Variants in MTA3 observed in about 807,000 individuals in gnomAD.
MTA3 encodes the protein metastasis-associated protein MTA3.
A neutral mutation model predicts 83.5 loss-of-function variants in MTA3; 34 were observed. The observed-to-expected ratio is 0.41, with a 90% CI of 0.31 to 0.54. The LOEUF (loss-of-function observed/expected upper bound fraction) is 0.54. Ranked by LOEUF, MTA3 falls within the 20% of genes least tolerant of loss-of-function variation. MTA3 has a pLI of 0.33. For synonymous variants in MTA3, 303 were observed against 252.7 expected, an observed-to-expected ratio of 1.20 and a Z score of -1.89; for missense variants, 761 against 726.4, an observed-to-expected ratio of 1.05 and a Z score of -0.55.
chr2:42,503,314 ACG>A (rs1377189573), intron 2 of MTA3, among the ~76,000 whole-genome samples: 1 of 152,184 alleles, frequency 6.6e-6, no homozygotes, highest in Non-Finnish European at 1.5e-5. Flanking sequence ...AGCACTGAGG[ACG>A]ACCAGAGGTC....
At chr2:42,645,921 A>G (rs759531161) in intron 6 of MTA3, among the ~76,000 whole-genome samples, 1 of 152,228 alleles carries the variant, frequency 6.6e-6, no homozygotes, top group Non-Finnish European at 1.5e-5. Context: ...TTCTATTGGA[A>G]GAAGATGCCA....
chr2:42,615,424 C>T (rs1030217872), intron 4 of MTA3, among the ~76,000 whole-genome samples: 4 of 151,922 alleles, frequency 2.6e-5, no homozygotes, highest in Non-Finnish European at 4.4e-5. Context: ...GCTGCGATCT[C>T]GATTCACTGC....
intron 2 of MTA3, among the ~76,000 whole-genome samples, chr2:42,506,877 G>C (rs1401075912): frequency 6.6e-6 from 1 of 151,946 alleles, no homozygotes; most frequent in Admixed American, 6.6e-5. Context: ...AAAGTGCTGG[G>C]ATTACAGGTG....
At chr2:42,629,078 AAT>A (rs1415942561) in intron 4 of MTA3, among the ~76,000 whole-genome samples, 1 of 151,552 alleles carries the variant, frequency 6.6e-6, no homozygotes. Context: ...ATGATAGAGC[AAT>A]ATATATATAT....
chr2:42,534,595 A>T (rs894531568), intron 2 of MTA3, among the ~76,000 whole-genome samples: 1 of 132,356 alleles, frequency 7.6e-6, no homozygotes, highest in Non-Finnish European at 1.7e-5. Flanking sequence ...AACTCTAAAA[A>T]AAAGAAGAAA....
chr2:42,590,493 CA>C lies in MTA3; in HGVS notation c.190+11294del, dbSNP rs201032415. The stretch of plus-strand genomic sequence containing the variant: ...TGCAGATGCCCAGTCATAAACTTTA[CA>C]GCCATTAGAATTGTGAGCCAAATAA... On this transcript the variant is annotated intron_variant, in intron 3 of 16. Coordinates refer to ENST00000405094, the MANE Select transcript of MTA3 (RefSeq NM_001330442.2). 4.7e-4 allele frequency among the ~76,000 whole-genome samples: 71 copies of C among 152,256 alleles called. No individual in the cohort carries two copies. The East Asian group carries it at 0.013, about 28-fold the overall frequency.
intron 4 of MTA3, among the ~76,000 whole-genome samples, chr2:42,630,522 A>G (rs1330604440): frequency 6.6e-6 from 1 of 152,144 alleles, no homozygotes; most frequent in Non-Finnish European, 1.5e-5. Flanking sequence ...TTGTGGAGTA[A>G]ATTATGATGC....
chr2:42,620,214 G>A (rs1287625936), intron 4 of MTA3, among the ~76,000 whole-genome samples: 4 of 150,236 alleles, frequency 2.7e-5, no homozygotes, highest in East Asian at 2.0e-4. Flanking sequence ...TGCCACCCAC[G>A]TTCAAGTGAT....
intron 2 of MTA3, among the ~76,000 whole-genome samples, chr2:42,554,105 A>C (rs1677266029): frequency 1.3e-5 from 2 of 151,948 alleles, no homozygotes; most frequent in Non-Finnish European, 2.9e-5. Flanking sequence ...GCTGTGGTGC[A>C]TGCCTGTAAT....
intron 2 of MTA3, among the ~76,000 whole-genome samples, chr2:42,551,448 C>A (rs1191793623): frequency 6.6e-6 from 1 of 152,080 alleles, no homozygotes; most frequent in Non-Finnish European, 1.5e-5. Flanking sequence ...GCCTCAGCCT[C>A]CCAAAGTGCT....
chr2:42,592,790 G>A (rs935771991), intron 3 of MTA3, among the ~76,000 whole-genome samples: 1 of 152,046 alleles, frequency 6.6e-6, no homozygotes. Flanking sequence ...AATACCTTCC[G>A]AAGGACCTGT....
At chr2:42,637,853 A>T (rs1174347620) in intron 4 of MTA3, among the ~76,000 whole-genome samples, 1 of 152,134 alleles carries the variant, frequency 6.6e-6, no homozygotes, top group African/African-American at 2.4e-5. Flanking sequence ...AAAATCTTTT[A>T]TTTCAGACCA....
At chr2:42,590,302 C>T (rs1366072765) in intron 3 of MTA3, among the ~76,000 whole-genome samples, 1 of 152,022 alleles carries the variant, frequency 6.6e-6, no homozygotes, top group Non-Finnish European at 1.5e-5. Flanking sequence ...TAATGCCCTC[C>T]CTGGAGTAGA....
At chr2:42,682,812 T>A in intron 9 of MTA3, 1 of 457,100 alleles carries the variant, frequency 2.2e-6, no homozygotes, top group Non-Finnish European at 3.9e-6. Context: ...GTGGCTCACG[T>A]CTGTAATTCC....
At chr2:42,680,585 C>T (rs533789610) in intron 8 of MTA3, among the ~76,000 whole-genome samples, 5 of 152,182 alleles carry the variant, frequency 3.3e-5, no homozygotes, top group Non-Finnish European at 7.3e-5. Flanking sequence ...CACTTTGCAG[C>T]ACCCATGTGC....
intron 16 of MTA3, among the ~76,000 whole-genome samples, chr2:42,730,634 G>A (rs565783236): frequency 2.0e-4 from 30 of 152,134 alleles, no homozygotes; most frequent in East Asian, 1.7e-3. Flanking sequence ...AGGTTTTTTC[G>A]TCAGTGTTCA....
intron 8 of MTA3, among the ~76,000 whole-genome samples, chr2:42,674,601 T>C (rs866044742): frequency 0.53 from 62,632 of 117,896 alleles, 14,696 homozygotes; most frequent in South Asian, 0.63. Flanking sequence ...TTCTTCTTTT[T>C]TTTTTTTTTT....
intron 16 of MTA3, among the ~76,000 whole-genome samples, chr2:42,729,710 T>C (rs979182939): frequency 6.6e-6 from 1 of 152,250 alleles, no homozygotes; most frequent in Non-Finnish European, 1.5e-5. Flanking sequence ...TAGTATAATT[T>C]GAAGTCAGAT....
chr2:42,506,271 C>G (rs992269733), intron 2 of MTA3, among the ~76,000 whole-genome samples: 6 of 151,890 alleles, frequency 4.0e-5, no homozygotes, highest in African/African-American at 1.5e-4. Context: ...ATAGTGAGAC[C>G]CTGTCTCTAC....
Sources: gnomAD v4.1 joint callset for allele counts (sites outside exome capture counted in the v4.1 genomes callset) on GRCh38, gnomAD v4.1.1 for gene constraint, MANE v1.5 for transcripts, NCBI Gene and HGNC (gene_info 2026-07-23, HGNC 2026-07-21) for gene names.